MTMR3: variants seen among roughly 807,000 people sequenced by gnomAD.
MTMR3 encodes phosphatidylinositol-3,5-bisphosphate 3-phosphatase MTMR3.
A neutral mutation model predicts 132.4 loss-of-function variants in MTMR3; 32 were observed. That is an observed-to-expected ratio of 0.24 (90% confidence interval 0.18 to 0.32). MTMR3 has a LOEUF of 0.32. MTMR3 is among the 10% of genes least tolerant of loss of function. The probability of loss-of-function intolerance (pLI) is 1.00; values close to 1 mark genes in which losing one functional copy is unlikely to be tolerated. For synonymous variants in MTMR3, 556 were observed against 550.3 expected, an observed-to-expected ratio of 1.01 and a Z score of -0.14; for missense variants, 1,216 against 1,489.6, an observed-to-expected ratio of 0.82 and a Z score of 3.02.
intron 8 of MTMR3, 73 bp from the exon 9 acceptor site, chr22:30,002,807 C>G: frequency 4.5e-6 from 4 of 898,120 alleles, no homozygotes; most frequent in Non-Finnish European, 6.7e-6. Context: ...CACCTAGTGT[C>G]TCTCTCTCTC....
chr22:29,912,673 T>C (rs941779841), intron 1 of MTMR3, among the ~76,000 whole-genome samples: 1 of 152,086 alleles, frequency 6.6e-6, no homozygotes, highest in Non-Finnish European at 1.5e-5. Context: ...ATGCATTAGG[T>C]GAGAATGAAA....
At chr22:29,921,531 A>G (rs2065412971) in intron 1 of MTMR3, among the ~76,000 whole-genome samples, 1 of 129,678 alleles carries the variant, frequency 7.7e-6, no homozygotes, top group Non-Finnish European at 1.8e-5. Context: ...ATTTTCTGAA[A>G]TTCCTATTTT....
At chr22:29,950,174 T>G (rs1433566338) in intron 1 of MTMR3, among the ~76,000 whole-genome samples, 1 of 152,194 alleles carries the variant, frequency 6.6e-6, no homozygotes, top group Non-Finnish European at 1.5e-5. Flanking sequence ...TTATAAATAT[T>G]GAAGTACCTC....
At chr22:30,005,649 G>A (rs2067258894) in intron 9 of MTMR3, 1 of 152,190 alleles carries the variant, frequency 6.6e-6, no homozygotes, top group Non-Finnish European at 1.5e-5. Context: ...ACAGCTACTT[G>A]TCTCCCAGGG....
At chr22:29,890,087 T>C (rs1284872300) in intron 1 of MTMR3, among the ~76,000 whole-genome samples, 6 of 151,820 alleles carry the variant, frequency 4.0e-5, no homozygotes, top group Admixed American at 1.3e-4. Flanking sequence ...TTTGTATTTT[T>C]AGTAGAGACA....
At chr22:29,959,898 A>G (rs1163891702) in intron 2 of MTMR3, among the ~76,000 whole-genome samples, 1 of 151,464 alleles carries the variant, frequency 6.6e-6, no homozygotes, top group African/African-American at 2.4e-5. Context: ...AGGTGGGACT[A>G]TGGGCATGTA....
intron 5 of MTMR3, 198 bp downstream of exon 5, chr22:29,979,250 T>TG: frequency 2.5e-6 from 1 of 403,426 alleles, no homozygotes; most frequent in South Asian, 2.5e-5. Flanking sequence ...CCCAGCACTT[T>TG]GGGAGGCCAA....
intron 13 of MTMR3, 123 bp from the exon 14 acceptor site, chr22:30,013,233 G>T: frequency 1.1e-6 from 1 of 939,582 alleles, no homozygotes; most frequent in Middle Eastern, 3.5e-4. Context: ...CCACCAAAGG[G>T]CAAGGCCGGG....
chr22:29,924,984 G>A (rs1332602695), intron 1 of MTMR3, among the ~76,000 whole-genome samples: 2 of 152,116 alleles, frequency 1.3e-5, no homozygotes, highest in Non-Finnish European at 2.9e-5. Flanking sequence ...TAAGTAATAG[G>A]CTTTTAAAAT....
intron 2 of MTMR3, among the ~76,000 whole-genome samples, chr22:29,966,775 GTC>G (rs1176231268): frequency 6.7e-6 from 1 of 148,188 alleles, no homozygotes; most frequent in Non-Finnish European, 1.5e-5. Context: ...GTGTGTGTCT[GTC>G]TCTGTGTGTG....
intron 3 of MTMR3, among the ~76,000 whole-genome samples, chr22:29,977,072 C>G (rs1210685877): frequency 2.0e-5 from 3 of 152,118 alleles, no homozygotes; most frequent in African/African-American, 7.2e-5. Context: ...GGGAGGATTA[C>G]TTGAGCCCAG....
At chr22:29,995,943 T>C (rs957437509) in intron 7 of MTMR3, 7 of 152,230 alleles carry the variant, frequency 4.6e-5, no homozygotes, top group African/African-American at 7.2e-5. Context: ...ATAGAAAATA[T>C]CAAATTGTGT....
At chr22:29,934,664 G>C (rs996248176) in intron 1 of MTMR3, among the ~76,000 whole-genome samples, 2 of 152,150 alleles carry the variant, frequency 1.3e-5, no homozygotes, top group African/African-American at 4.8e-5. Context: ...GGTTGATCTT[G>C]TCCCATTATG....
At position 30,020,129 on chromosome 22, in the gene MTMR3, C is replaced by G. The variant is rs779806341; in HGVS notation, c.2470C>G (p.Gln824Glu). The change falls in exon 17 of 20, where the codon CAG becomes GAG. Residue 824 changes from glutamine to glutamate, a missense_variant. Physicochemically the swap from Gln to Glu is conservative, Grantham distance 29 (BLOSUM62 2). Transcript: ENST00000401950. ...VDAKVGYGTS[Q>E]SCSLLPSQVP... is the part of the protein sequence containing the mutation. ...TGCAAAAGTTGGCTATGGTACCTCA[C>G]AGTCATGTTCTCTGCTACCTTCCCA... 9 of 1,614,102 alleles carry G rather than the reference C, an allele frequency of 5.6e-6. No homozygotes were observed. The African/African-American group carries it at 1.1e-4, about 19-fold the overall frequency.
intron 1 of MTMR3, among the ~76,000 whole-genome samples, chr22:29,891,783 G>A (rs374825970): frequency 6.6e-6 from 1 of 151,986 alleles, no homozygotes; most frequent in Non-Finnish European, 1.5e-5. Flanking sequence ...TTAATATTGA[G>A]CATTTATAGA....
chr22:29,920,540 G>A (rs1490050364), intron 1 of MTMR3, among the ~76,000 whole-genome samples: 1 of 152,084 alleles, frequency 6.6e-6, no homozygotes, highest in African/African-American at 2.4e-5. Flanking sequence ...ATATTTGTTT[G>A]GATGTTCATA....
chr22:29,920,778 A>G (rs549044588), intron 1 of MTMR3, among the ~76,000 whole-genome samples: 27 of 152,310 alleles, frequency 1.8e-4, no homozygotes, highest in Non-Finnish European at 7.4e-5. Flanking sequence ...CCAAATATAA[A>G]AGATTGATAC....
intron 3 of MTMR3, 34 bp downstream of exon 3, chr22:29,971,096 CA>C: frequency 6.5e-7 from 1 of 1,541,394 alleles, no homozygotes; most frequent in Non-Finnish European, 8.8e-7. Context: ...AAAAAAAAAA[CA>C]AAAAACCCTG....
chr22:29,901,695 G>A (rs1307212893), intron 1 of MTMR3, among the ~76,000 whole-genome samples: 1 of 152,050 alleles, frequency 6.6e-6, no homozygotes, highest in African/African-American at 2.4e-5. Context: ...AAATCATGCA[G>A]TATTTAGCCT....
Sources: gnomAD v4.1 joint callset for allele counts (sites outside exome capture counted in the v4.1 genomes callset) on GRCh38, gnomAD v4.1.1 for gene constraint, MANE v1.5 for transcripts, NCBI Gene and HGNC (gene_info 2026-07-23, HGNC 2026-07-21) for gene names.